FAR2: variants seen among roughly 807,000 people sequenced by gnomAD.
FAR2 encodes epididymis secretory protein Li 81.
A neutral mutation model predicts 56.0 loss-of-function variants in FAR2; 19 were observed. The observed-to-expected ratio is 0.34, with a 90% confidence interval of 0.24 to 0.50. The LOEUF is 0.50. Ranked by LOEUF, FAR2 falls within the 20% of genes least tolerant of loss-of-function variation. The pLI, the probability that FAR2 is intolerant of heterozygous loss-of-function variation, is 0.98. For missense variants in FAR2, 508 were observed against 642.2 expected (o/e 0.79, Z 2.26); for synonymous variants, 219 against 218.8 (o/e 1.00, Z -0.01).
intron 1 of FAR2, among the ~76,000 whole-genome samples, chr12:29,166,028 C>A (rs1949824086): frequency 6.6e-6 from 1 of 152,226 alleles, no homozygotes. Context: ...CTAACAGCGG[C>A]CTTAGCCAAA....
At chr12:29,316,705 G>A (rs1244094656) in intron 8 of FAR2, 136 bp from the exon 9 acceptor site, 1 of 851,316 alleles carries the variant, frequency 1.2e-6, no homozygotes, top group Non-Finnish European at 1.8e-6. Flanking sequence ...TCTTTATATT[G>A]TTCTCAGAAA....
At chr12:29,218,201 C>CAA (rs112093077) in intron 1 of FAR2, among the ~76,000 whole-genome samples, 1 of 151,418 alleles carries the variant, frequency 6.6e-6, no homozygotes, top group African/African-American at 2.4e-5. Context: ...CTAAAAAATA[C>CAA]AAAAAAAATT....
chr12:29,216,302 A>C (rs750354113), intron 1 of FAR2, among the ~76,000 whole-genome samples: 2 of 152,014 alleles, frequency 1.3e-5, no homozygotes, highest in African/African-American at 2.4e-5. Context: ...GCTCTATTTC[A>C]CTGGTATCTT....
chr12:29,186,080 A>G (rs575566833), intron 1 of FAR2, among the ~76,000 whole-genome samples: 2 of 152,214 alleles, frequency 1.3e-5, no homozygotes, highest in Non-Finnish European at 2.9e-5. Flanking sequence ...AACTAGTGAA[A>G]TTAATTTTGA....
At chr12:29,300,652 T>TTG (rs967551451) in intron 4 of FAR2, among the ~76,000 whole-genome samples, 6 of 152,020 alleles carry the variant, frequency 3.9e-5, no homozygotes, top group Admixed American at 1.3e-4. Context: ...GTTGTTGTTG[T>TTG]TGTTGTTAAC....
chr12:29,233,598 G>T (rs554820317), intron 1 of FAR2, among the ~76,000 whole-genome samples: 1 of 152,276 alleles, frequency 6.6e-6, no homozygotes, highest in East Asian at 1.9e-4. Context: ...TCGTGTCATA[G>T]GTTAATGCTT....
intron 2 of FAR2, among the ~76,000 whole-genome samples, chr12:29,289,205 T>A (rs1072724): frequency 0.66 from 100,612 of 152,042 alleles, 34,333 homozygotes; most frequent in African/African-American, 0.83. Context: ...TAAAATTTAT[T>A]TGGAACCGCA....
At chr12:29,305,017 T>C (rs1191282935) in intron 4 of FAR2, among the ~76,000 whole-genome samples, 1 of 152,238 alleles carries the variant, frequency 6.6e-6, no homozygotes, top group Non-Finnish European at 1.5e-5. Flanking sequence ...TGGATGTGCA[T>C]GTTTATTACA....
chr12:29,224,941 G>A (rs185043494), intron 1 of FAR2, among the ~76,000 whole-genome samples: 62 of 152,254 alleles, frequency 4.1e-4, no homozygotes, highest in Non-Finnish European at 6.2e-4. Flanking sequence ...AGTTAGAGCC[G>A]AGTGTAGTGA....
At chr12:29,150,054 A>T (rs1949670003) in intron 1 of FAR2, among the ~76,000 whole-genome samples, 1 of 152,188 alleles carries the variant, frequency 6.6e-6, no homozygotes, top group Admixed American at 6.5e-5. Flanking sequence ...TTGCCCCTGT[A>T]GGAAGTTTTA....
chr12:29,179,825 G>A (rs1252682813), intron 1 of FAR2, among the ~76,000 whole-genome samples: 1 of 152,024 alleles, frequency 6.6e-6, no homozygotes, highest in Non-Finnish European at 1.5e-5. Context: ...TTATAGAAGG[G>A]ACCACCGTTG....
chr12:29,173,262 C>T (rs922366212), intron 1 of FAR2, among the ~76,000 whole-genome samples: 12 of 152,128 alleles, frequency 7.9e-5, no homozygotes, highest in African/African-American at 2.2e-4. Flanking sequence ...GGAACATAAC[C>T]GATAGCCCGG....
intron 1 of FAR2, among the ~76,000 whole-genome samples, chr12:29,211,525 G>A (rs1161545635): frequency 1.3e-5 from 2 of 152,258 alleles, no homozygotes; most frequent in Non-Finnish European, 2.9e-5. Context: ...TTCAGTGCAT[G>A]TCTAGTAACT....
At chr12:29,225,289 C>G (rs1031345397) in intron 1 of FAR2, among the ~76,000 whole-genome samples, 2 of 152,006 alleles carry the variant, frequency 1.3e-5, no homozygotes, top group African/African-American at 2.4e-5. Context: ...AAATAAAGAA[C>G]GTTTAGACAA....
chr12:29,240,740 A>G (rs1373809248), intron 1 of FAR2, among the ~76,000 whole-genome samples: 5 of 152,124 alleles, frequency 3.3e-5, no homozygotes, highest in African/African-American at 1.2e-4. Context: ...ATACATCTTA[A>G]AAATATATGT....
chr12:29,176,280 CTTTTCTGAGT>C (rs1949937430), intron 1 of FAR2, among the ~76,000 whole-genome samples: 1 of 152,096 alleles, frequency 6.6e-6, no homozygotes. Context: ...TGTTCATTTG[CTTTTCTGAGT>C]CAATTTACTG....
At chr12:29,282,703 G>A (rs1284902665) in intron 2 of FAR2, among the ~76,000 whole-genome samples, 1 of 152,100 alleles carries the variant, frequency 6.6e-6, no homozygotes, top group Non-Finnish European at 1.5e-5. Context: ...TCTGTTCTAT[G>A]TATCAAAATT....
At chr12:29,267,357 C>CA (rs1259627140) in intron 1 of FAR2, among the ~76,000 whole-genome samples, 4 of 152,190 alleles carry the variant, frequency 2.6e-5, no homozygotes, top group African/African-American at 9.7e-5. Flanking sequence ...TGCATGTATT[C>CA]ACTCATTCCA....
rs1252562284 is a variant in FAR2, at chr12:29,307,778, G to A, written c.666G>A (p.Leu222=). ...EMVVQQESRN[L]NIAIIRPSIV... ...TGGTGCAGCAAGAGAGCAGGAACCT[G>A]AACATTGCCATCATAAGGCCCTCCA... The change falls in exon 5 of 12, where the codon CTG becomes CTA. Residue 222 remains leucine, a synonymous_variant. Coordinates refer to ENST00000536681, the MANE Select transcript of FAR2 (RefSeq NM_001271783.2). 1 of 1,613,124 alleles carries A rather than the reference G, an allele frequency of 6.2e-7. No individual in the cohort carries two copies. The highest frequency in any genetic ancestry group is 8.5e-7 in the Non-Finnish European group (1 of 1,179,884).
Sources: allele counts gnomAD v4.1 joint callset (sites outside exome capture counted in the v4.1 genomes callset), GRCh38; gene constraint gnomAD v4.1.1; transcripts MANE v1.5; gene names NCBI Gene and HGNC (gene_info 2026-07-23, HGNC 2026-07-21).